Variants in ZNG1E observed in about 807,000 individuals in gnomAD.
The protein encoded by ZNG1E is zinc-regulated GTPase metalloprotein activator 1E.
At chr9:65,717,556 G>A in the ZNG1E span, among the ~76,000 whole-genome samples, 72 of 149,816 alleles carry the variant, frequency 4.8e-4, 6 homozygotes, top group African/African-American at 1.6e-3. Flanking sequence ...TTCATCCTCC[G>A]TGTCTGGATT....
chr9:65,698,907 T>G, the ZNG1E span, among the ~76,000 whole-genome samples: 1 of 142,808 alleles, frequency 7.0e-6, no homozygotes, highest in South Asian at 2.2e-4. Flanking sequence ...TAATTATTAT[T>G]ATTATTTTTT....
chr9:65,728,397 C>T, the ZNG1E span, among the ~76,000 whole-genome samples: 3 of 148,322 alleles, frequency 2.0e-5, no homozygotes, highest in African/African-American at 7.7e-5. Context: ...GAAATTGAAA[C>T]AAAACAACAA....
the ZNG1E span, among the ~76,000 whole-genome samples, chr9:65,660,969 G>T: frequency 6.3e-4 from 92 of 145,564 alleles, no homozygotes; most frequent in Non-Finnish European, 1.1e-3. Flanking sequence ...GGGAATAGGT[G>T]GGGCCTTGGC....
the ZNG1E span, among the ~76,000 whole-genome samples, chr9:65,712,612 A>T: frequency 1.4e-5 from 1 of 73,802 alleles, no homozygotes; most frequent in Non-Finnish European, 2.6e-5. Context: ...TTCGTTATGT[A>T]CCCAGTAGTC....
the ZNG1E span, among the ~76,000 whole-genome samples, chr9:65,665,520 A>G: frequency 6.6e-6 from 1 of 152,112 alleles, no homozygotes; most frequent in African/African-American, 2.4e-5. Flanking sequence ...CTCATGGAGA[A>G]CCTCTGCTAG....
chr9:65,663,162 T>A, the ZNG1E span, among the ~76,000 whole-genome samples: 1 of 152,278 alleles, frequency 6.6e-6, no homozygotes, highest in African/African-American at 2.4e-5. Context: ...CAATGTTTAC[T>A]GAGGAAGAAC....
chr9:65,658,121 T>C, the ZNG1E span, among the ~76,000 whole-genome samples: 4 of 149,266 alleles, frequency 2.7e-5, no homozygotes, highest in Non-Finnish European at 6.0e-5. Flanking sequence ...AAAAAACTTA[T>C]GTTCCCCATA....
the ZNG1E span, among the ~76,000 whole-genome samples, chr9:65,722,529 T>G: frequency 2.0e-5 from 1 of 50,760 alleles, no homozygotes; most frequent in African/African-American, 7.2e-5. Context: ...TTTGTTTTTT[T>G]GGTTTTTTTT....
chr9:65,666,229 G>A, the ZNG1E span, among the ~76,000 whole-genome samples: 1 of 150,656 alleles, frequency 6.6e-6, no homozygotes, highest in African/African-American at 2.4e-5. Context: ...ATGTATTGTG[G>A]GAGGGACCCG....
At chr9:65,665,319 C>T in the ZNG1E span, among the ~76,000 whole-genome samples, 2 of 152,384 alleles carry the variant, frequency 1.3e-5, no homozygotes, top group Non-Finnish European at 2.9e-5. Flanking sequence ...GGACTTCATA[C>T]CCTGCATCCC....
chr9:65,660,965 AG>A, the ZNG1E span, among the ~76,000 whole-genome samples: 93 of 145,904 alleles, frequency 6.4e-4, no homozygotes, highest in Non-Finnish European at 1.1e-3. Context: ...AATAGGGAAT[AG>A]GTGGGGCCTT....
At chr9:65,663,638 GA>G in the ZNG1E span, among the ~76,000 whole-genome samples, 1 of 151,140 alleles carries the variant, frequency 6.6e-6, no homozygotes, top group East Asian at 1.9e-4. Context: ...ATAGTGCTAT[GA>G]ATGTCATAAA....
the ZNG1E span, chr9:65,675,738 C>G: frequency 2.7e-6 from 2 of 741,728 alleles, no homozygotes; most frequent in African/African-American, 3.9e-5. Flanking sequence ...GTTCACAGAA[C>G]ACGCCCAGGG....
the ZNG1E span, among the ~76,000 whole-genome samples, chr9:65,658,401 A>G: frequency 6.6e-6 from 1 of 151,624 alleles, no homozygotes; most frequent in African/African-American, 2.4e-5. Context: ...AAAATATAGA[A>G]AATGAGAGTT....
the ZNG1E span, among the ~76,000 whole-genome samples, chr9:65,659,357 T>A: frequency 6.6e-6 from 1 of 150,808 alleles, no homozygotes; most frequent in Non-Finnish European, 1.5e-5. Flanking sequence ...TAGCCAGGCG[T>A]GGTGGCGCAT....
At chr9:65,659,144 C>T in the ZNG1E span, among the ~76,000 whole-genome samples, 5 of 152,078 alleles carry the variant, frequency 3.3e-5, no homozygotes, top group Non-Finnish European at 5.9e-5. Flanking sequence ...AAACTGGTTT[C>T]TCACCAGCAA....
At chr9:65,675,539 G>T in the ZNG1E span, among the ~76,000 whole-genome samples, 2 of 148,688 alleles carry the variant, frequency 1.3e-5, no homozygotes, top group Admixed American at 6.7e-5. Flanking sequence ...TTTTTAACGA[G>T]ACTAAAAAAT....
the ZNG1E span, among the ~76,000 whole-genome samples, chr9:65,675,597 C>T: frequency 1.3e-5 from 2 of 149,284 alleles, no homozygotes; most frequent in Non-Finnish European, 2.9e-5. Context: ...GGTCAGGTTA[C>T]CCACTCCAGA....
chr9:65,656,604 G>C, the ZNG1E span, among the ~76,000 whole-genome samples: 1 of 152,276 alleles, frequency 6.6e-6, no homozygotes, highest in Non-Finnish European at 1.5e-5. Flanking sequence ...TGTATAGCCA[G>C]ATAATGGTCC....
Sources: gnomAD v4.1 joint callset for allele counts (sites outside exome capture counted in the v4.1 genomes callset) on GRCh38, gnomAD v4.1.1 for gene constraint, MANE v1.5 for transcripts, NCBI Gene and HGNC (gene_info 2026-07-23, HGNC 2026-07-21) for gene names.